IFRD2: variants seen among roughly 807,000 people sequenced by gnomAD.
The protein encoded by IFRD2 is interferon-related developmental regulator 2.
Under a neutral mutation model 49.2 loss-of-function variants are expected in IFRD2, and 35 were observed. That is an observed-to-expected ratio of 0.71 (90% CI 0.54 to 0.94). IFRD2 has a LOEUF of 0.94. Ranked by LOEUF, IFRD2 falls within the 40% of genes least tolerant of loss-of-function variation. IFRD2 has a pLI of 0.00. For missense variants in IFRD2, 561 were observed against 591.6 expected (o/e 0.95, Z 0.54); for synonymous variants, 275 against 239.7 (o/e 1.15, Z -1.36).
In IFRD2 at chr3:50,289,570, C is replaced by G. The variant is rs1033500545; in HGVS notation, c.656G>C (p.Gly219Ala). 5.0e-6 allele frequency: 8 copies of G among 1,584,334 alleles called. No homozygotes were observed. The African/African-American group carries it at 1.1e-4, about 21-fold the overall frequency. Residue 219 changes from glycine (G) to alanine (A), a missense_variant, in exon 7 of 12, where the codon GGG becomes GCG. By Grantham distance (60) the Gly-to-Ala change is moderately conservative. Coordinates refer to ENST00000417626, the MANE Select transcript of IFRD2 (RefSeq NM_006764.5). ...ESVFSRFYGL[G>A]GSSTSPVVPA... The stretch of plus-strand genomic sequence containing the variant: ...AACCACAGGACTTGTGGAGCTGCCC[C>G]CCAAGCCATAGAACCGGCTGAAAAC...
At chr3:50,291,924 C>T in intron 1 of IFRD2, 2 of 437,634 alleles carry the variant, frequency 4.6e-6, no homozygotes, top group Non-Finnish European at 8.1e-6. Flanking sequence ...GACTGGCTTC[C>T]TGCCCTGTCC....
At chr3:50,289,390 G>C in intron 7 of IFRD2, 30 bp from the exon 8 acceptor site, 1 of 1,575,364 alleles carries the variant, frequency 6.3e-7, no homozygotes, top group South Asian at 1.2e-5. Context: ...AGCTATATGT[G>C]TGGCTTGGGG....
chr3:50,288,842 C>G lies in IFRD2; in HGVS notation c.981G>C (p.Arg327=). The G allele has an allele frequency of 6.2e-7, 1 of 1,613,528 alleles. No individual in the cohort carries two copies. Among genetic ancestry groups the G allele is most frequent in the Non-Finnish European group, 8.5e-7 (1 of 1,179,656 alleles). The stretch of plus-strand genomic sequence containing the variant: ...CGGCGCGGAAAGTAGAGCGCTGGCG[C>G]CGACGATCAGCCTTGGCACGGTACT... ...SNKYRAKADR[R]RQRSTFRAVL... The change falls in exon 9 of 12, where the codon CGG becomes CGC. Residue 327 remains arginine, a synonymous_variant. Transcript: ENST00000417626.
Position 50,288,011 on chromosome 3 carries a change from G to A in IFRD2, c.*180C>T, listed in dbSNP as rs1701589372. 1.6e-6 allele frequency: 1 copy of A among 616,430 alleles called. No individual in the cohort carries two copies. The allele number at this position is 616,430 out of a possible 1,614,324, so 38.2% of individuals were successfully genotyped here. A position where few individuals can be genotyped will look rare whatever the true frequency, so the allele number is the denominator to read the frequency against. On this transcript the variant is annotated 3_prime_UTR_variant, in exon 12 of 12. Transcript: ENST00000417626. ...GAAGGGGCCACAGGGCTGAGTGCAG[G>A]GACAAAGGGGTCAGGGTCCCAAGTG...
rs782447425 is a variant in IFRD2 at position 50,292,352 on chromosome 3, T to C, written c.-78A>G. 1 of 1,567,080 alleles carries C rather than the reference T, an allele frequency of 6.4e-7. No homozygotes were observed. Among genetic ancestry groups the C allele is most frequent in the Non-Finnish European group, 8.6e-7 (1 of 1,160,652 alleles). ...TCCAGGCCAACGAGACGCCGGCCGG[T>C]GCGCTGCGCTGAGACTTGGCCAGAC... On this transcript the variant is annotated 5_prime_UTR_variant, in exon 1 of 12. Transcript: ENST00000417626.
rs1280372041 is a variant in IFRD2 at position 50,288,218 on chromosome 3, C to A, written c.1302G>T (p.Val434=). 1 of 1,613,844 alleles carries A rather than the reference C, an allele frequency of 6.2e-7. No homozygotes were observed. Among genetic ancestry groups the A allele is most frequent in the African/African-American group, 1.3e-5 (1 of 74,932 alleles). Residue 434 remains valine (V), a synonymous_variant, in exon 12 of 12, where the codon GTG becomes GTT. Coordinates refer to ENST00000417626, the MANE Select transcript of IFRD2 (RefSeq NM_006764.5). ...FKARTKARSR[V]RDKRADIL ...ACAGGATGTCTGCCCGCTTGTCCCG[C>A]ACACGGCTTCGAGCCTTGGTCCGGG...
rs1575489986 is a variant in IFRD2, at chr3:50,288,864, T to C, written c.959A>G (p.Tyr320Cys). The stretch of plus-strand genomic sequence containing the variant: ...GCGCCGACGATCAGCCTTGGCACGG[T>C]ACTTGTTACTGTCAGTGGCCAGAGT... ...LRTLATDSNK[Y>C]RAKADRRRQR... The change falls in exon 9 of 12, where the codon TAC becomes TGC. Residue 320 changes from tyrosine to cysteine, a missense_variant. Physicochemically the swap from Tyr to Cys is radical, Grantham distance 194. Coordinates refer to ENST00000417626, the MANE Select transcript of IFRD2 (RefSeq NM_006764.5). The C allele has an allele frequency of 6.2e-7, 1 of 1,613,610 alleles. No individual in the cohort carries two copies. Among genetic ancestry groups the C allele is most frequent in the Non-Finnish European group, 8.5e-7 (1 of 1,179,720 alleles).
rs1281888918 is a variant in IFRD2 at position 50,288,005 on chromosome 3, G to A, written c.*186C>T. On this transcript the variant is annotated 3_prime_UTR_variant, in exon 12 of 12. Transcript: ENST00000417626. ...GGACAGGAAGGGGCCACAGGGCTGA[G>A]TGCAGGGACAAAGGGGTCAGGGTCC... is the stretch of plus-strand genomic sequence containing the variant. The A allele has an allele frequency of 6.6e-6, 4 of 610,546 alleles. No individual in the cohort carries two copies. Among genetic ancestry groups the A allele is most frequent in the Non-Finnish European group, 1.2e-5 (4 of 337,018 alleles). 37.8% of individuals were successfully genotyped at this position (610,546 alleles called of 1,614,324 possible). A position where few individuals can be genotyped will look rare whatever the true frequency, so the allele number is the denominator to read the frequency against.
chr3:50,288,526 G>A (rs1553708983), intron 10 of IFRD2, 22 bp from the exon 11 acceptor site: 4 of 1,613,864 alleles, frequency 2.5e-6, no homozygotes, highest in Admixed American at 1.7e-5. Context: ...AGGGCAGTGA[G>A]CTCAGGCCAG....
intron 3 of IFRD2, 29 bp from the exon 4 acceptor site, chr3:50,290,323 T>C (rs782300991): frequency 6.2e-7 from 1 of 1,606,468 alleles, no homozygotes. Flanking sequence ...GGGGGTCATA[T>C]GGGCCAGCCC....
In IFRD2 at chr3:50,288,284, CAG is replaced by C. The variant is rs1553708918; in HGVS notation, c.1249-15_1249-14del. 3.1e-6 allele frequency: 5 copies of C among 1,613,088 alleles called. No homozygotes were observed. The South Asian group carries it at 4.4e-5, about 14-fold the overall frequency. On this transcript the variant is annotated splice_polypyrimidine_tract_variant and intron_variant, in intron 11 of 11. Transcript: ENST00000417626. ...CATTGTACAGGTGCTAGAGTGGGGA[CAG>C]AGAGTGACACCCTGGGGAGCTGGGA...
rs1553709489 is a variant in IFRD2 at position 50,289,909 on chromosome 3, T to C, written c.546+20A>G. The C allele has an allele frequency of 1.2e-5, 20 of 1,612,054 alleles. No homozygotes were observed. The highest frequency in any genetic ancestry group is 1.4e-5 in the Non-Finnish European group (17 of 1,178,998). On this transcript the variant is annotated intron_variant, in intron 5 of 11. Coordinates refer to ENST00000417626, the MANE Select transcript of IFRD2 (RefSeq NM_006764.5). ...GGGATAAGGTGCAGGAAGGGTTTCA[T>C]GGGGCACAGGCACACTCACGTGGAG...
intron 11 of IFRD2, 40 bp downstream of exon 11, chr3:50,288,369 T>C: frequency 6.2e-7 from 1 of 1,605,320 alleles, no homozygotes; most frequent in Non-Finnish European, 8.5e-7. Context: ...CTCCAGGAAA[T>C]GGGAATAGGG....
Position 50,288,879 on chromosome 3 carries a change from G to C in IFRD2, c.944C>G (p.Thr315Ser). The part of the protein sequence containing the change: ...ALCSVLRTLA[T>S]DSNKYRAKAD... ...CTTGGCACGGTACTTGTTACTGTCAGTGGCCAGAGTGCGCAGGACACTGCA... is the reference window on the plus strand; with the variant it reads ...CTTGGCACGGTACTTGTTACTGTCACTGGCCAGAGTGCGCAGGACACTGCA... The change falls in exon 9 of 12, where the codon ACT becomes AGT. Residue 315 changes from threonine (T) to serine (S), a missense_variant. By Grantham distance (58) the Thr-to-Ser change is moderately conservative. Transcript: ENST00000417626. 6.2e-7 allele frequency: 1 copy of C among 1,613,592 alleles called. No homozygotes were observed. Among genetic ancestry groups the C allele is most frequent in the African/African-American group, 1.3e-5 (1 of 75,068 alleles).
At chr3:50,291,795 G>A (rs1352695677) in intron 1 of IFRD2, 2 of 183,410 alleles carry the variant, frequency 1.1e-5, no homozygotes, top group East Asian at 3.1e-4. Context: ...CTGCCAAGCT[G>A]CCAAGGCCCT....
chr3:50,292,204 C>T lies in IFRD2; in HGVS notation c.58+13G>A, dbSNP rs1553709893. 2 of 1,455,664 alleles carry T rather than the reference C, an allele frequency of 1.4e-6. No individual in the cohort carries two copies. The highest frequency in any genetic ancestry group is 1.8e-6 in the Non-Finnish European group (2 of 1,105,688). The allele number at this position is 1,455,664 out of a possible 1,614,324, so 90.2% of individuals were successfully genotyped here. ...CGCTCATACAGCTGTCCCGCGCCCC[C>T]CACCCCACTCACCTCCTCCACGGCG... On this transcript the variant is annotated intron_variant, in intron 1 of 11. Transcript: ENST00000417626.
At chr3:50,290,735 G>T in intron 1 of IFRD2, 56 bp from the exon 2 acceptor site, 3 of 1,591,666 alleles carry the variant, frequency 1.9e-6, no homozygotes, top group Non-Finnish European at 2.6e-6. Context: ...GGATGGCTGG[G>T]GGTACCTCAC....
At chr3:50,292,154 G>A in intron 1 of IFRD2, 63 bp downstream of exon 1, 2 of 1,418,762 alleles carry the variant, frequency 1.4e-6, no homozygotes, top group Middle Eastern at 2.6e-4. Flanking sequence ...AACAACCAAG[G>A]GGATCCAGCA....
chr3:50,290,473 C>T lies in IFRD2; in HGVS notation c.179-1G>A, dbSNP rs200049097. The T allele has an allele frequency of 1.0e-5, 16 of 1,579,504 alleles. No homozygotes were observed. In the African/African-American group the frequency reaches 1.7e-4, roughly 17 times the overall value. On this transcript the variant is annotated splice_acceptor_variant, in intron 2 of 11. Transcript: ENST00000417626. LOFTEE classifies it high-confidence loss of function. ...CCCTGCTCATCCACGACATCCCCCC[C>T]TGCAAGGCCACCTGGTCAGCACCGC...
Sources: allele counts gnomAD v4.1 joint callset, GRCh38; gene constraint gnomAD v4.1.1; transcripts MANE v1.5; gene names NCBI Gene and HGNC (gene_info 2026-07-23, HGNC 2026-07-21).